Variants in ZNF503 observed in about 807,000 individuals in gnomAD.
ZNF503 encodes the protein NocA-like zinc finger 2.
Under a neutral mutation model 34.4 loss-of-function variants are expected in ZNF503, and 15 were observed. The ratio of observed to expected loss-of-function variants is 0.44; its 90% confidence interval spans 0.29 to 0.67. The LOEUF (loss-of-function observed/expected upper bound fraction) is 0.67. Among genes scored for constraint, ZNF503 ranks in the 30% least tolerant of loss-of-function variants. ZNF503 has a pLI of 0.13. For missense variants in ZNF503, 1,007 were observed against 926.8 expected (o/e 1.09, Z -1.12); for synonymous variants, 580 against 456.8 (o/e 1.27, Z -3.44).
the ZNF503 span, among the ~76,000 whole-genome samples, chr10:75,372,644 A>G: frequency 6.6e-6 from 1 of 152,234 alleles, no homozygotes; most frequent in Non-Finnish European, 1.5e-5. Context: ...AGCACTCAAT[A>G]CAAATCTATT....
At chr10:75,345,705 A>T in the ZNF503 span, among the ~76,000 whole-genome samples, 3 of 151,888 alleles carry the variant, frequency 2.0e-5, no homozygotes, top group Non-Finnish European at 2.9e-5. Context: ...GGAGCTCACC[A>T]TCAGGAAATG....
the ZNF503 span, among the ~76,000 whole-genome samples, chr10:75,334,626 T>C: frequency 6.6e-6 from 1 of 152,246 alleles, no homozygotes; most frequent in African/African-American, 2.4e-5. Context: ...GCTTTTGCAA[T>C]GGCTGATTTA....
At position 75,399,903 on chromosome 10, in the gene ZNF503, C is replaced by A; in HGVS notation, c.787G>T (p.Gly263Cys). The change falls in exon 2 of 2, where the codon GGT becomes TGT. Residue 263 changes from glycine to cysteine, a missense_variant. By Grantham distance (159) the Gly-to-Cys change is radical. Transcript: ENST00000372524. ...GAGGCGCCCCCGGTGCCCTTGCCAC[C>A]GCCGCCCACGTCGGTGTCTTTCTTG... is the stretch of plus-strand genomic sequence containing the variant. ...DDKKDTDVGGGGKGTGGASAE... is the reference protein window; with the variant it reads ...DDKKDTDVGGCGKGTGGASAE... The A allele has an allele frequency of 3.1e-6, 5 of 1,603,560 alleles. No homozygotes were observed. The highest frequency in any genetic ancestry group is 4.2e-6 in the Non-Finnish European group (5 of 1,177,258).
At chr10:75,322,373 C>T in the ZNF503 span, among the ~76,000 whole-genome samples, 62 of 152,258 alleles carry the variant, frequency 4.1e-4, no homozygotes, top group African/African-American at 1.3e-3. Context: ...CCGCCTGCCT[C>T]AGCCTCCCAA....
rs1392348001 is a variant in ZNF503 at position 75,401,270 on chromosome 10, G to T, written c.150C>A (p.Ala50=). The change falls in exon 1 of 2, where the codon GCC becomes GCA. Residue 50 remains alanine (A), a synonymous_variant. Coordinates refer to ENST00000372524, the MANE Select transcript of ZNF503 (RefSeq NM_032772.6). ...SSGPGPGSSP[A]GSTKPFVHAV... ...CGTGCACAAAAGGCTTGGTGCTGCC[G>T]GCCGGGGACGAGCCTGGGCCGGGGC... 1 of 1,591,382 alleles carries T rather than the reference G, an allele frequency of 6.3e-7. No individual in the cohort carries two copies. The highest frequency in any genetic ancestry group is 8.5e-7 in the Non-Finnish European group (1 of 1,170,360).
chr10:75,309,353 A>G, the ZNF503 span, among the ~76,000 whole-genome samples: 1 of 152,210 alleles, frequency 6.6e-6, no homozygotes, highest in African/African-American at 2.4e-5. Context: ...ACAGCATTAC[A>G]TGCTACAGAT....
the ZNF503 span, among the ~76,000 whole-genome samples, chr10:75,323,335 T>G: frequency 2.0e-5 from 3 of 152,220 alleles, no homozygotes; most frequent in Admixed American, 2.0e-4. Context: ...AATTATTTAT[T>G]TTTATAAACA....
the ZNF503 span, among the ~76,000 whole-genome samples, chr10:75,305,043 A>G: frequency 6.6e-6 from 1 of 152,200 alleles, no homozygotes; most frequent in Non-Finnish European, 1.5e-5. Context: ...GTAAGATTAC[A>G]CTGCTTTAAC....
chr10:75,333,170 T>G, the ZNF503 span, among the ~76,000 whole-genome samples: 1 of 119,054 alleles, frequency 8.4e-6, no homozygotes, highest in Non-Finnish European at 1.8e-5. Context: ...CACTTCCCAG[T>G]AGGGGTGGCC....
the ZNF503 span, among the ~76,000 whole-genome samples, chr10:75,294,641 G>T: frequency 6.6e-6 from 1 of 151,862 alleles, no homozygotes; most frequent in Non-Finnish European, 1.5e-5. Context: ...GGCCCTGAAG[G>T]CAGTCGCCCA....
At chr10:75,397,787 A>C (rs1843719133), downstream of ZNF503, 2 of 152,610 alleles carry the variant, frequency 1.3e-5, no homozygotes, top group Admixed American at 1.3e-4. Flanking sequence ...ACTGCGGCCG[A>C]AACTGCCATG....
the ZNF503 span, among the ~76,000 whole-genome samples, chr10:75,367,571 A>G: frequency 6.6e-6 from 1 of 152,208 alleles, no homozygotes; most frequent in Non-Finnish European, 1.5e-5. Flanking sequence ...TCGTGCTAAA[A>G]AGAAAAATGT....
the ZNF503 span, among the ~76,000 whole-genome samples, chr10:75,329,655 T>C: frequency 6.6e-6 from 1 of 151,996 alleles, no homozygotes; most frequent in Non-Finnish European, 1.5e-5. Flanking sequence ...TTTTTGTTTT[T>C]TAATAGAGAT....
At chr10:75,376,569 G>C in the ZNF503 span, among the ~76,000 whole-genome samples, 1 of 152,212 alleles carries the variant, frequency 6.6e-6, no homozygotes, top group South Asian at 2.1e-4. Flanking sequence ...GCTTGAACCT[G>C]GGAGGTGGAG....
At chr10:75,333,259 C>T in the ZNF503 span, among the ~76,000 whole-genome samples, 29 of 95,150 alleles carry the variant, frequency 3.0e-4, no homozygotes, top group Admixed American at 1.3e-3. Flanking sequence ...CCCTCCCGGA[C>T]GGGGCGGCTG....
chr10:75,323,934 C>T, the ZNF503 span, among the ~76,000 whole-genome samples: 9 of 148,062 alleles, frequency 6.1e-5, no homozygotes, highest in African/African-American at 1.3e-4. Context: ...CCTGCCTCAG[C>T]CTGCAAGATT....
rs997459565 is a variant in ZNF503, at chr10:75,399,317, G to A, written c.1373C>T (p.Ala458Val). 1.9e-6 allele frequency: 3 copies of A among 1,602,610 alleles called. No individual in the cohort carries two copies. Among genetic ancestry groups the A allele is most frequent in the Non-Finnish European group, 2.6e-6 (3 of 1,176,348 alleles). The change falls in exon 2 of 2, where the codon GCG becomes GTG. Residue 458 changes from alanine (A) to valine (V), a missense_variant. Ala to Val is a moderately conservative substitution (Grantham distance 64, BLOSUM62 0). Coordinates refer to ENST00000372524, the MANE Select transcript of ZNF503 (RefSeq NM_032772.6). ...GTATCCGGACTTCAGCGCCGCAGCC[G>A]CAGCAGCCGGATCATGTGCGCAAGA... ...SASCAHDPAA[A>V]AAALKSGYPL... is the part of the protein sequence containing the mutation.
Position 75,398,675 on chromosome 10 carries a change from C to T in ZNF503, c.*74G>A, listed in dbSNP as rs1843734635. 1.6e-6 allele frequency: 2 copies of T among 1,283,178 alleles called. No individual in the cohort carries two copies. The highest frequency in any genetic ancestry group is 2.0e-6 in the Non-Finnish European group (2 of 1,011,554). The allele number at this position is 1,283,178 out of a possible 1,614,324, so 79.5% of individuals were successfully genotyped here. A position where few individuals can be genotyped will look rare whatever the true frequency, so the allele number is the denominator to read the frequency against. On this transcript the variant is annotated 3_prime_UTR_variant, in exon 2 of 2. Coordinates refer to ENST00000372524, the MANE Select transcript of ZNF503 (RefSeq NM_032772.6). Reference sequence around the variant, plus strand: ...ACGCGCGGGTGTCAGCAGCCTGGGCCGTGATCCCGCCTCTCCCTGGACTCC... The same window carrying T: ...ACGCGCGGGTGTCAGCAGCCTGGGCTGTGATCCCGCCTCTCCCTGGACTCC...
At chr10:75,297,227 C>T in the ZNF503 span, among the ~76,000 whole-genome samples, 1 of 152,182 alleles carries the variant, frequency 6.6e-6, no homozygotes, top group Admixed American at 6.5e-5. Context: ...GTGACATTTT[C>T]CTGACATTCC....
Sources: gnomAD v4.1 joint callset for allele counts (sites outside exome capture counted in the v4.1 genomes callset) on GRCh38, gnomAD v4.1.1 for gene constraint, MANE v1.5 for transcripts, NCBI Gene and HGNC (gene_info 2026-07-23, HGNC 2026-07-21) for gene names.